NAT1: variants seen among roughly 807,000 people sequenced by gnomAD.
NAT1 encodes N-acetyltransferase 1.
For synonymous variants in NAT1, 144 were observed against 122.6 expected, an observed-to-expected ratio of 1.17 and a Z score of -1.16; for missense variants, 400 against 339.2, an observed-to-expected ratio of 1.18 and a Z score of -1.41.
chr8:18,179,113 C>G (rs28383672), intron 2 of NAT1, among the ~76,000 whole-genome samples: 2,711 of 152,184 alleles, frequency 0.018, 41 homozygotes, highest in South Asian at 0.069. Context: ...CCAATTTGTT[C>G]TTACATCTCT....
chr8:18,197,756 G>A (rs1181974990), intron 2 of NAT1, among the ~76,000 whole-genome samples: 2 of 152,166 alleles, frequency 1.3e-5, no homozygotes, highest in Non-Finnish European at 2.9e-5. Flanking sequence ...ATATTGGTTA[G>A]ACTAGATTAA....
chr8:18,208,583 C>G (rs11203942), upstream of NAT1, among the ~76,000 whole-genome samples: 77,831 of 152,092 alleles, frequency 0.51, 20,880 homozygotes, highest in Non-Finnish European at 0.59. Flanking sequence ...CCTTCCAGTA[C>G]TCATTCCCCT....
intron 2 of NAT1, among the ~76,000 whole-genome samples, chr8:18,189,394 C>A (rs914722149): frequency 6.6e-6 from 1 of 151,788 alleles, no homozygotes; most frequent in African/African-American, 2.4e-5. Flanking sequence ...GAGAGTAGTA[C>A]GAGATGGGAA....
chr8:18,211,512 C>G (rs1804099193), intron 1 of NAT1, among the ~76,000 whole-genome samples: 1 of 152,226 alleles, frequency 6.6e-6, no homozygotes, highest in South Asian at 2.1e-4. Flanking sequence ...CTTATTTTGT[C>G]TGGCCCTTGC....
chr8:18,199,433 A>T (rs1475118649), intron 2 of NAT1, among the ~76,000 whole-genome samples: 3 of 150,466 alleles, frequency 2.0e-5, no homozygotes, highest in African/African-American at 7.3e-5. Flanking sequence ...TCCTTTTGCC[A>T]TCTTTGATAT....
intron 2 of NAT1, among the ~76,000 whole-genome samples, chr8:18,182,062 G>T (rs144335232): frequency 6.6e-6 from 1 of 152,130 alleles, no homozygotes; most frequent in Non-Finnish European, 1.5e-5. Context: ...ATGGTGCCTG[G>T]CATTGAGGAG....
In NAT1 at chr8:18,219,433, C is replaced by A. The variant is rs1235637580; in HGVS notation, c.-63C>A. 2 of 1,550,158 alleles carry A rather than the reference C, an allele frequency of 1.3e-6. No homozygotes were observed. The highest frequency in any genetic ancestry group is 1.7e-6 in the Non-Finnish European group (2 of 1,146,186). ...TAGAATTCAAGCCAGGAAGAAGCAG[C>A]AATCTGTCTTCTGGATTAAAACTGA... On this transcript the variant is annotated 5_prime_UTR_variant, in exon 2 of 3. Transcript: ENST00000307719.
chr8:18,194,124 G>A lies in NAT1; in HGVS notation n.93-15657G>A, dbSNP rs541285133. ...AGGGCTGAATGGAATTGGGACAACC[G>A]GATGGCCAGCCTGCTTTGTGTTCAC... On this transcript the variant is annotated intron_variant and non_coding_transcript_variant, in intron 2 of 4. Transcript: ENST00000517441. 1.2e-4 allele frequency among the ~76,000 whole-genome samples: 18 copies of A among 152,230 alleles called. No individual in the cohort carries two copies. The East Asian group carries it at 1.4e-3, about 11-fold the overall frequency.
intron 1 of NAT1, among the ~76,000 whole-genome samples, chr8:18,211,685 C>T (rs973139424): frequency 2.0e-5 from 3 of 152,180 alleles, no homozygotes; most frequent in African/African-American, 7.2e-5. Flanking sequence ...GCGGCTAGTC[C>T]AGCAACCCCT....
intron 2 of NAT1, among the ~76,000 whole-genome samples, chr8:18,204,623 A>C (rs1362830734): frequency 1.3e-5 from 2 of 152,192 alleles, no homozygotes; most frequent in Non-Finnish European, 1.5e-5. Flanking sequence ...TCTTTCTAAA[A>C]ATTTTGATTT....
chr8:18,170,900 TTTTTC>T (rs1487244616), intron 2 of NAT1, among the ~76,000 whole-genome samples: 3 of 152,164 alleles, frequency 2.0e-5, no homozygotes, highest in Admixed American at 2.0e-4. Context: ...TCTCCTTTTT[TTTTTC>T]TTTCTTTTTT....
chr8:18,197,600 T>A (rs1235042026), intron 2 of NAT1, among the ~76,000 whole-genome samples: 1 of 152,210 alleles, frequency 6.6e-6, no homozygotes, highest in Non-Finnish European at 1.5e-5. Context: ...AACACTGGTA[T>A]GTTCTACACT....
chr8:18,187,993 T>G, intron 2 of NAT1, among the ~76,000 whole-genome samples: 1 of 134,932 alleles, frequency 7.4e-6, no homozygotes, highest in South Asian at 2.5e-4. Context: ...TTATGCCACA[T>G]GAGACAGCAC....
chr8:18,204,298 G>A (rs1330399104), intron 2 of NAT1, among the ~76,000 whole-genome samples: 1 of 152,108 alleles, frequency 6.6e-6, no homozygotes, highest in African/African-American at 2.4e-5. Flanking sequence ...GAACGCCAGG[G>A]TATATACCCC....
At chr8:18,191,269 A>T (rs1004823497) in intron 2 of NAT1, among the ~76,000 whole-genome samples, 7 of 152,182 alleles carry the variant, frequency 4.6e-5, no homozygotes, top group African/African-American at 7.2e-5. Context: ...GTATGAGAAG[A>T]ACACAACAAA....
At chr8:18,210,683 C>A (rs191640173) in intron 1 of NAT1, among the ~76,000 whole-genome samples, 26 of 152,204 alleles carry the variant, frequency 1.7e-4, no homozygotes, top group Admixed American at 1.5e-3. Context: ...ATTCCTGCTC[C>A]TCTTGCACTA....
At chr8:18,192,009 A>G (rs542371264) in intron 2 of NAT1, among the ~76,000 whole-genome samples, 45 of 151,964 alleles carry the variant, frequency 3.0e-4, no homozygotes, top group African/African-American at 9.9e-4. Flanking sequence ...TAAACTAAAG[A>G]GCTTCTGCAC....
intron 2 of NAT1, among the ~76,000 whole-genome samples, chr8:18,186,819 C>A (rs916584145): frequency 6.6e-6 from 1 of 152,084 alleles, no homozygotes; most frequent in Admixed American, 6.6e-5. Flanking sequence ...ATCTAAAGAG[C>A]TTTCGCACAG....
intron 2 of NAT1, among the ~76,000 whole-genome samples, chr8:18,197,700 C>T (rs904983458): frequency 6.6e-6 from 1 of 152,068 alleles, no homozygotes; most frequent in Non-Finnish European, 1.5e-5. Context: ...CTGTCAGAAC[C>T]TCATTTTATT....
Sources: gnomAD v4.1 joint callset for allele counts (sites outside exome capture counted in the v4.1 genomes callset) on GRCh38, gnomAD v4.1.1 for gene constraint, MANE v1.5 for transcripts, NCBI Gene and HGNC (gene_info 2026-07-23, HGNC 2026-07-21) for gene names.